The following CNTNAP2 variants were observed in gnomAD, a reference collection of about 807,000 sequenced individuals.
The protein encoded by CNTNAP2 is contactin-associated protein-like 2.
In CNTNAP2, 98 loss-of-function variants were observed where a neutral mutation model predicts 155.2. The observed-to-expected ratio is 0.63, with a 90% CI of 0.54 to 0.75. The LOEUF is 0.75. CNTNAP2 is among the 30% of genes least tolerant of loss of function. The probability of loss-of-function intolerance (pLI) is 0.00; values close to 1 mark genes in which losing one functional copy is unlikely to be tolerated. For missense variants in CNTNAP2, 1,727 were observed against 1,688.1 expected (o/e 1.02, Z -0.40); for synonymous variants, 651 against 631.2 (o/e 1.03, Z -0.47).
intron 9 of CNTNAP2, among the ~76,000 whole-genome samples, chr7:147,356,017 A>T (rs897215146): frequency 6.6e-6 from 1 of 152,176 alleles, no homozygotes; most frequent in African/African-American, 2.4e-5. Context: ...CCTGAGGAAC[A>T]TTGATGCAAA....
intron 1 of CNTNAP2, among the ~76,000 whole-genome samples, chr7:146,375,861 C>T (rs1475165126): frequency 1.3e-5 from 2 of 152,084 alleles, no homozygotes; most frequent in Non-Finnish European, 2.9e-5. Context: ...ATGTAAATTC[C>T]CTTAAACTAT....
chr7:147,981,878 C>A lies in CNTNAP2; in HGVS notation c.2383+3889C>A, dbSNP rs1417441741. On this transcript the variant is annotated intron_variant, in intron 15 of 23. Transcript: ENST00000361727. The stretch of plus-strand genomic sequence containing the variant: ...GCCTATCCAAATGGAAACTTCAAAT[C>A]AAATGACACTGAAAGTATGAGTGGT... 3.3e-5 allele frequency among the ~76,000 whole-genome samples: 5 copies of A among 149,700 alleles called. No homozygotes were observed. The East Asian group carries it at 8.0e-4, about 24-fold the overall frequency.
chr7:146,955,993 G>A (rs901682390), intron 3 of CNTNAP2, among the ~76,000 whole-genome samples: 6 of 151,022 alleles, frequency 4.0e-5, no homozygotes, highest in South Asian at 2.1e-4. Context: ...TTATGTATAC[G>A]TTTTTTTTCA....
intron 9 of CNTNAP2, among the ~76,000 whole-genome samples, chr7:147,308,113 C>T (rs929863308): frequency 6.6e-6 from 1 of 152,046 alleles, no homozygotes; most frequent in Admixed American, 6.6e-5. Context: ...TTTGAGCAAA[C>T]CCCTCAAAGG....
At chr7:147,732,188 C>CCA (rs1554427857) in intron 13 of CNTNAP2, among the ~76,000 whole-genome samples, 6,916 of 73,930 alleles carry the variant, frequency 0.094, 129 homozygotes, top group South Asian at 0.14. Flanking sequence ...CCCTCCCCCC[C>CCA]CCACCACCCC....
chr7:147,236,872 C>G (rs1458037781), intron 8 of CNTNAP2, among the ~76,000 whole-genome samples: 1 of 151,982 alleles, frequency 6.6e-6, no homozygotes, highest in Admixed American at 6.6e-5. Context: ...TCACCTTCCA[C>G]AATGCTAAAG....
intron 2 of CNTNAP2, among the ~76,000 whole-genome samples, chr7:146,837,559 T>C (rs1244197506): frequency 6.6e-6 from 1 of 152,048 alleles, no homozygotes. Context: ...TTTCCATTGA[T>C]TTTTTTCTCT....
chr7:146,746,932 A>G (rs1275179068), intron 1 of CNTNAP2, among the ~76,000 whole-genome samples: 2 of 151,960 alleles, frequency 1.3e-5, no homozygotes, highest in Admixed American at 6.6e-5. Context: ...TCTTTTTTCC[A>G]TATTTGGGGA....
chr7:147,240,592 C>A (rs1187603032), intron 8 of CNTNAP2, among the ~76,000 whole-genome samples: 1 of 152,180 alleles, frequency 6.6e-6, no homozygotes, highest in Non-Finnish European at 1.5e-5. Context: ...ATCTCCATAG[C>A]CTCTGTGGTG....
intron 20 of CNTNAP2, among the ~76,000 whole-genome samples, chr7:148,257,158 G>A (rs7811700): frequency 0.01 from 1,569 of 152,098 alleles, 25 homozygotes; most frequent in African/African-American, 0.035. Context: ...CTGCATTCTC[G>A]CCTCTCCATT....
intron 9 of CNTNAP2, among the ~76,000 whole-genome samples, chr7:147,379,180 A>G (rs1796491668): frequency 6.6e-6 from 1 of 152,106 alleles, no homozygotes; most frequent in Non-Finnish European, 1.5e-5. Context: ...TTTCCTTTAT[A>G]AATTACCAGT....
chr7:146,839,945 G>A (rs773971336), intron 3 of CNTNAP2, 41 bp downstream of exon 3: 2 of 1,602,088 alleles, frequency 1.2e-6, no homozygotes, highest in South Asian at 1.1e-5. Context: ...GAATTGGATT[G>A]GAAATATTAG....
chr7:148,381,963 G>T (rs1356492136), intron 21 of CNTNAP2, among the ~76,000 whole-genome samples: 1 of 152,238 alleles, frequency 6.6e-6, no homozygotes, highest in Non-Finnish European at 1.5e-5. Context: ...GGAAGTACTG[G>T]TTCTGTTCTC....
chr7:146,884,335 A>G (rs1054909079), intron 3 of CNTNAP2, among the ~76,000 whole-genome samples: 1 of 152,144 alleles, frequency 6.6e-6, no homozygotes, highest in Non-Finnish European at 1.5e-5. Flanking sequence ...CTTGCATATT[A>G]TTTATTTGCA....
intron 10 of CNTNAP2, among the ~76,000 whole-genome samples, chr7:147,406,544 A>G (rs1797008480): frequency 6.6e-6 from 1 of 152,234 alleles, no homozygotes; most frequent in South Asian, 2.1e-4. Flanking sequence ...TTAAGAGGGC[A>G]ACAAGCTTAG....
Position 146,937,146 on chromosome 7 carries a change from G to C in CNTNAP2, c.402+97242G>C, listed in dbSNP as rs554382035. 4.7e-3 allele frequency among the ~76,000 whole-genome samples: 710 copies of C among 152,052 alleles called. 1 individual carries two copies. The highest frequency in any genetic ancestry group is 0.017 in the African/African-American group (687 of 41,484). The stretch of plus-strand genomic sequence containing the variant: ...CTCATGCCTGTAATCTCAGCACTTT[G>C]GGAGGCCAAGGCAGGCGGATCACGA... On this transcript the variant is annotated intron_variant, in intron 3 of 23. Transcript: ENST00000361727.
intron 9 of CNTNAP2, among the ~76,000 whole-genome samples, chr7:147,371,376 A>G (rs560350923): frequency 2.4e-4 from 37 of 152,290 alleles, no homozygotes; most frequent in African/African-American, 8.7e-4. Flanking sequence ...TGTTTTATGT[A>G]CTACTATTGA....
chr7:147,158,503 C>T (rs756709735), intron 8 of CNTNAP2, among the ~76,000 whole-genome samples: 4 of 152,036 alleles, frequency 2.6e-5, no homozygotes, highest in South Asian at 2.1e-4. Context: ...TTTCACACTG[C>T]TAAGTTAAAT....
chr7:147,863,866 A>C (rs1385723893), intron 13 of CNTNAP2, among the ~76,000 whole-genome samples: 2 of 151,714 alleles, frequency 1.3e-5, no homozygotes, highest in Non-Finnish European at 1.5e-5. Flanking sequence ...ATTTTCTCCC[A>C]TTCTGTAGGT....
Sources: allele counts gnomAD v4.1 joint callset (sites outside exome capture counted in the v4.1 genomes callset), GRCh38; gene constraint gnomAD v4.1.1; transcripts MANE v1.5; gene names NCBI Gene and HGNC (gene_info 2026-07-23, HGNC 2026-07-21).